The following CNBD1 variants were observed in gnomAD, a reference collection of about 807,000 sequenced individuals.
CNBD1 encodes cyclic nucleotide binding domain containing 1, also known as cyclic nucleotide-binding domain-containing protein 1.
Under a neutral mutation model 54.4 loss-of-function variants are expected in CNBD1, and 71 were observed. That is an observed-to-expected ratio of 1.30 (90% CI 1.08 to 1.59). The LOEUF (loss-of-function observed/expected upper bound fraction) is 1.59, where lower values mean the gene tolerates loss of function less well. CNBD1 is among the 40% of genes most tolerant of loss of function. CNBD1 has a pLI of 0.00. For synonymous variants in CNBD1, 182 were observed against 170.7 expected (o/e 1.07, Z -0.51); for missense variants, 659 against 518.0 (o/e 1.27, Z -2.64).
chr8:86,975,572 T>A (rs1808323174), intron 4 of CNBD1, among the ~76,000 whole-genome samples: 1 of 152,110 alleles, frequency 6.6e-6, no homozygotes, highest in African/African-American at 2.4e-5. Flanking sequence ...CTTCTTTTTT[T>A]AAGGCATAAT....
intron 5 of CNBD1, among the ~76,000 whole-genome samples, chr8:87,219,961 ATAG>A (rs2130807901): frequency 6.6e-6 from 1 of 152,156 alleles, no homozygotes; most frequent in East Asian, 1.9e-4. Context: ...CTAAAAAATA[ATAG>A]GCAATAAAAA....
At chr8:87,174,870 C>A (rs774734566) in intron 4 of CNBD1, among the ~76,000 whole-genome samples, 1 of 152,176 alleles carries the variant, frequency 6.6e-6, no homozygotes, top group Non-Finnish European at 1.5e-5. Flanking sequence ...AGGAAGAATT[C>A]TCTGGATTCC....
chr8:87,286,095 G>A (rs577447086), intron 7 of CNBD1, among the ~76,000 whole-genome samples: 1 of 152,108 alleles, frequency 6.6e-6, no homozygotes, highest in South Asian at 2.1e-4. Context: ...CAGTAGTGCA[G>A]GTAATTCTCT....
chr8:87,280,110 C>T (rs907232259), intron 6 of CNBD1, among the ~76,000 whole-genome samples: 2 of 151,552 alleles, frequency 1.3e-5, no homozygotes. Flanking sequence ...CCATCAGATT[C>T]TCACATTCAG....
At chr8:87,413,491 T>A (rs1807781989) in intron 2 of CNBD1, among the ~76,000 whole-genome samples, 1 of 152,090 alleles carries the variant, frequency 6.6e-6, no homozygotes. Flanking sequence ...GCTTAGCCAC[T>A]GAAGGCAAAA....
At chr8:87,302,356 T>A (rs1370190598) in intron 8 of CNBD1, among the ~76,000 whole-genome samples, 1 of 152,098 alleles carries the variant, frequency 6.6e-6, no homozygotes, top group Non-Finnish European at 1.5e-5. Context: ...ATGAACGTAA[T>A]CCAGCATAGA....
At chr8:87,140,501 A>C (rs1041644684) in intron 4 of CNBD1, among the ~76,000 whole-genome samples, 3 of 152,152 alleles carry the variant, frequency 2.0e-5, no homozygotes, top group African/African-American at 7.2e-5. Flanking sequence ...CTTCTAAAAA[A>C]CAGTGAATGG....
At chr8:87,404,581 A>G (rs1348061376) in intron 2 of CNBD1, among the ~76,000 whole-genome samples, 1 of 152,066 alleles carries the variant, frequency 6.6e-6, no homozygotes, top group African/African-American at 2.4e-5. Context: ...AATTAGTGCT[A>G]AATTTGTTGC....
At chr8:87,297,197 A>C (rs924432929) in intron 8 of CNBD1, among the ~76,000 whole-genome samples, 7 of 151,524 alleles carry the variant, frequency 4.6e-5, no homozygotes, top group Admixed American at 1.3e-4. Flanking sequence ...GAAAAAATTA[A>C]ATAATATATT....
At chr8:87,236,827 G>C in intron 5 of CNBD1, 92 bp from the exon 6 acceptor site, 1 of 667,340 alleles carries the variant, frequency 1.5e-6, no homozygotes, top group Non-Finnish European at 2.4e-6. Flanking sequence ...GAAATACGTT[G>C]AAAGTACCGT....
At chr8:87,287,181 T>C (rs532661641) in intron 8 of CNBD1, among the ~76,000 whole-genome samples, 2 of 152,318 alleles carry the variant, frequency 1.3e-5, no homozygotes, top group South Asian at 2.1e-4. Context: ...ACATTTTCAA[T>C]ATTCAGCATA....
chr8:87,141,342 A>G (rs550134721), intron 4 of CNBD1, among the ~76,000 whole-genome samples: 13 of 152,164 alleles, frequency 8.5e-5, no homozygotes, highest in Admixed American at 2.0e-4. Flanking sequence ...GTTGATTTCT[A>G]TGTTCCATGA....
chr8:86,986,103 T>C (rs908171875), intron 4 of CNBD1, among the ~76,000 whole-genome samples: 1 of 152,116 alleles, frequency 6.6e-6, no homozygotes, highest in African/African-American at 2.4e-5. Flanking sequence ...CTAATTTTCC[T>C]ATTTTTAGTA....
intron 4 of CNBD1, among the ~76,000 whole-genome samples, chr8:86,962,290 G>A (rs1391896895): frequency 6.6e-6 from 1 of 152,100 alleles, no homozygotes; most frequent in South Asian, 2.1e-4. Flanking sequence ...AGACATACAG[G>A]CCTTTTAAAT....
chr8:87,369,347 A>T (rs977295741), intron 10 of CNBD1, among the ~76,000 whole-genome samples: 1 of 151,968 alleles, frequency 6.6e-6, no homozygotes, highest in Admixed American at 6.6e-5. Flanking sequence ...GATTGAAAAG[A>T]GTTCCAGTGT....
At chr8:86,912,531 G>A (rs1167412700) in intron 3 of CNBD1, among the ~76,000 whole-genome samples, 1 of 152,056 alleles carries the variant, frequency 6.6e-6, no homozygotes, top group African/African-American at 2.4e-5. Context: ...TATTACTTAT[G>A]TTTTTATGAT....
intron 6 of CNBD1, among the ~76,000 whole-genome samples, chr8:87,251,013 C>T (rs2130839091): frequency 7.4e-6 from 1 of 134,702 alleles, no homozygotes; most frequent in East Asian, 2.0e-4. Context: ...ACAATAAAAG[C>T]TTGAGGTGAT....
At chr8:87,289,179 T>C (rs1389255281) in intron 8 of CNBD1, among the ~76,000 whole-genome samples, 2 of 152,136 alleles carry the variant, frequency 1.3e-5, no homozygotes, top group Non-Finnish European at 2.9e-5. Flanking sequence ...GTACAGTGGA[T>C]AGGGTTTCAG....
At chr8:87,084,831 A>G (rs1811065936) in intron 4 of CNBD1, among the ~76,000 whole-genome samples, 1 of 151,984 alleles carries the variant, frequency 6.6e-6, no homozygotes, top group Non-Finnish European at 1.5e-5. Flanking sequence ...ATGTGCCACC[A>G]TGCCCAGCTA....
Sources: gnomAD v4.1 joint callset for allele counts (sites outside exome capture counted in the v4.1 genomes callset) on GRCh38, gnomAD v4.1.1 for gene constraint, MANE v1.5 for transcripts, NCBI Gene and HGNC (gene_info 2026-07-23, HGNC 2026-07-21) for gene names.